SOD1: variants seen among roughly 807,000 people sequenced by gnomAD.
The protein encoded by SOD1 is superoxide dismutase [Cu-Zn].
SOD1 carries 8 observed loss-of-function variants against 15.9 expected under a neutral mutation model. The observed-to-expected ratio is 0.50, with a 90% CI of 0.30 to 0.91. The LOEUF (loss-of-function observed/expected upper bound fraction) is 0.91, where lower values mean the gene tolerates loss of function less well. SOD1 is among the 40% of genes least tolerant of loss of function. The pLI is 0.07. For missense variants in SOD1, 137 were observed against 194.5 expected, an observed-to-expected ratio of 0.70 and a Z score of 1.76; for synonymous variants, 86 against 71.2, an observed-to-expected ratio of 1.21 and a Z score of -1.04.
intron 1 of SOD1, 59 bp downstream of exon 1, chr21:31,659,900 G>T (rs1568807506): frequency 2.6e-6 from 4 of 1,558,066 alleles, no homozygotes; most frequent in South Asian, 1.1e-5. Context: ...GTCCCCCCGC[G>T]CACCTTTGCT....
In SOD1 at chr21:31,666,761, A is replaced by G. The variant is rs17885634; in HGVS notation, c.239+243A>G. 9.8e-3 allele frequency: 5,377 copies of G among 546,856 alleles called. 229 individuals carry two copies. The highest frequency in any genetic ancestry group is 0.092 in the African/African-American group (4,877 of 52,750). The allele number at this position is 546,856 out of a possible 1,614,324, so 33.9% of individuals were successfully genotyped here. On this transcript the variant is annotated intron_variant, in intron 3 of 4. Coordinates refer to ENST00000270142, the MANE Select transcript of SOD1 (RefSeq NM_000454.5). ...TGTAGCATTTATTGAATATAGAACT[A>G]ATACAAGTGCCAAAGGGGAACTAAT...
intron 2 of SOD1, among the ~76,000 whole-genome samples, chr21:31,666,180 G>T (rs1361846289): frequency 6.6e-6 from 1 of 151,940 alleles, no homozygotes; most frequent in Non-Finnish European, 1.5e-5. Context: ...TGCTATGCTG[G>T]CCAGGCTGGT....
chr21:31,661,822 G>A (rs1282116066), intron 1 of SOD1: 1 of 152,294 alleles, frequency 6.6e-6, no homozygotes, highest in Non-Finnish European at 1.5e-5. Flanking sequence ...ACCTGAGAAT[G>A]AGCCTTGGAT....
rs76067399 is a variant in SOD1, at chr21:31,667,387, T to G, written c.357+12T>G. 6.5e-7 allele frequency: 1 copy of G among 1,534,168 alleles called. No homozygotes were observed. Among genetic ancestry groups the G allele is most frequent in the East Asian group, 2.2e-5 (1 of 44,524 alleles). On this transcript the variant is annotated intron_variant, in intron 4 of 4. Coordinates refer to ENST00000270142, the MANE Select transcript of SOD1 (RefSeq NM_000454.5). ...GCCGCACACTGGTGGTAAGTTTTCA[T>G]AAAAGGATATGCATAAAACTTCTTC...
intron 1 of SOD1, chr21:31,660,478 C>T (rs969254729): frequency 2.0e-5 from 3 of 152,232 alleles, no homozygotes; most frequent in Admixed American, 6.5e-5. Flanking sequence ...AGTTTGCTGG[C>T]CTCTGTTCTA....
intron 2 of SOD1, among the ~76,000 whole-genome samples, chr21:31,664,688 G>A (rs546553644): frequency 9.1e-4 from 138 of 152,088 alleles, no homozygotes; most frequent in Non-Finnish European, 1.3e-3. Context: ...GCGCGATCTC[G>A]GCTCACTGCA....
intron 1 of SOD1, chr21:31,660,052 G>GGACC (rs1196000320): frequency 2.8e-5 from 8 of 283,800 alleles, no homozygotes; most frequent in African/African-American, 1.6e-4. Flanking sequence ...GCGGGGCGTG[G>GGACC]GACCGAGGCC....
At chr21:31,661,966 C>A (rs139595278) in intron 1 of SOD1, among the ~76,000 whole-genome samples, 77 of 152,336 alleles carry the variant, frequency 5.1e-4, no homozygotes, top group Admixed American at 8.5e-4. Context: ...ACGTATTAAT[C>A]CAGTTTTCCT....
At chr21:31,663,760 ACT>A (rs1568809085) in intron 1 of SOD1, 28 bp from the exon 2 acceptor site, 15 of 1,520,734 alleles carry the variant, frequency 9.9e-6, no homozygotes, top group East Asian at 4.5e-5. Flanking sequence ...TTGTTCAGAA[ACT>A]CTCTCCAACT....
chr21:31,659,809 C>T lies in SOD1; in HGVS notation c.40C>T (p.Pro14Ser). 6.2e-7 allele frequency: 1 copy of T among 1,613,860 alleles called. No individual in the cohort carries two copies. ...CGTGTGCGTGCTGAAGGGCGACGGCCCAGTGCAGGGCATCATCAATTTCGA... is the reference window on the plus strand; with the variant it reads ...CGTGTGCGTGCTGAAGGGCGACGGCTCAGTGCAGGGCATCATCAATTTCGA... ...KAVCVLKGDGPVQGIINFEQK... is the reference protein window; with the variant it reads ...KAVCVLKGDGSVQGIINFEQK... Residue 14 changes from proline (P) to serine (S), a missense_variant, in exon 1 of 5, where the codon CCA (proline) becomes TCA (serine). Transcript: ENST00000270142.
chr21:31,661,172 G>A (rs779730589), intron 1 of SOD1, among the ~76,000 whole-genome samples: 1 of 152,174 alleles, frequency 6.6e-6, no homozygotes, highest in Non-Finnish European at 1.5e-5. Flanking sequence ...TTACAGAAAC[G>A]TGAGAGGACA....
chr21:31,667,167 G>T (rs1417171797), intron 3 of SOD1, 91 bp from the exon 4 acceptor site: 1 of 961,870 alleles, frequency 1.0e-6, no homozygotes, highest in Non-Finnish European at 1.7e-6. Context: ...GCAAATTTGT[G>T]TCTACTCAGT....
At position 31,668,881 on chromosome 21, in the gene SOD1, C is replaced by G; in HGVS notation, c.*303C>G. On this transcript the variant is annotated 3_prime_UTR_variant, in exon 5 of 5. Coordinates refer to ENST00000270142, the MANE Select transcript of SOD1 (RefSeq NM_000454.5). ...TCATTCAAGCCTGTGAATAAAAACC[C>G]TGTATGGCACTTATTATGAGGCTAT... The G allele has an allele frequency of 2.9e-6, 1 of 350,662 alleles. No homozygotes were observed. Among genetic ancestry groups the G allele is most frequent in the South Asian group, 2.9e-5 (1 of 34,504 alleles). The allele number at this position is 350,662 out of a possible 1,614,324, so 21.7% of individuals were successfully genotyped here.
At chr21:31,666,034 C>T (rs8133032) in intron 2 of SOD1, among the ~76,000 whole-genome samples, 1 of 145,596 alleles carries the variant, frequency 6.9e-6, no homozygotes, top group Admixed American at 7.0e-5. Flanking sequence ...TGCAGTGGTG[C>T]GATCTCAGCT....
At chr21:31,667,102 GT>G (rs1315288193) in intron 3 of SOD1, 155 bp from the exon 4 acceptor site, 2 of 682,638 alleles carry the variant, frequency 2.9e-6, no homozygotes, top group African/African-American at 1.8e-5. Flanking sequence ...GCATTAGTGT[GT>G]AGACGTGAAG....
At chr21:31,662,002 A>C (rs957255905) in intron 1 of SOD1, among the ~76,000 whole-genome samples, 49 of 152,022 alleles carry the variant, frequency 3.2e-4, no homozygotes. Flanking sequence ...ATTTTTGGAG[A>C]TCTCTTCATA....
At chr21:31,660,989 C>T (rs1601154511) in intron 1 of SOD1, among the ~76,000 whole-genome samples, 2 of 152,276 alleles carry the variant, frequency 1.3e-5, no homozygotes, top group East Asian at 3.9e-4. Context: ...GAAATATTTT[C>T]AGAACTTTTA....
At chr21:31,665,722 T>C (rs577707444) in intron 2 of SOD1, among the ~76,000 whole-genome samples, 1 of 152,172 alleles carries the variant, frequency 6.6e-6, no homozygotes, top group Non-Finnish European at 1.5e-5. Context: ...GCACATAAGA[T>C]GCTGTTGAAT....
intron 4 of SOD1, among the ~76,000 whole-genome samples, chr21:31,667,952 T>C (rs1427542331): frequency 6.6e-6 from 1 of 152,202 alleles, no homozygotes; most frequent in Non-Finnish European, 1.5e-5. Flanking sequence ...TCTTGAGCCA[T>C]AGTTGTAAAG....
Sources: gnomAD v4.1 joint callset for allele counts (sites outside exome capture counted in the v4.1 genomes callset) on GRCh38, gnomAD v4.1.1 for gene constraint, MANE v1.5 for transcripts, NCBI Gene and HGNC (gene_info 2026-07-23, HGNC 2026-07-21) for gene names.